FLVCR2: variants seen among roughly 807,000 people sequenced by gnomAD.
FLVCR2 encodes FLVCR choline and putative heme transporter 2.
Under a neutral mutation model 48.9 loss-of-function variants are expected in FLVCR2, and 38 were observed. The ratio of observed to expected loss-of-function variants is 0.78; its 90% CI spans 0.60 to 1.02. FLVCR2 has a LOEUF of 1.02. Ranked by LOEUF, FLVCR2 falls within the 50% of genes least tolerant of loss-of-function variation. The pLI is 0.00. For missense variants in FLVCR2, 664 were observed against 663.3 expected (o/e 1.00, Z -0.01); for synonymous variants, 255 against 257.0 (o/e 0.99, Z 0.07).
intron 1 of FLVCR2, among the ~76,000 whole-genome samples, chr14:75,602,165 C>A (rs1482301248): frequency 5.3e-5 from 8 of 152,238 alleles, no homozygotes; most frequent in Admixed American, 5.2e-4. Context: ...TGCTCACCAA[C>A]CAGAAGCTCT....
At chr14:75,611,604 G>A (rs1340052002) in intron 1 of FLVCR2, among the ~76,000 whole-genome samples, 1 of 151,766 alleles carries the variant, frequency 6.6e-6, no homozygotes, top group Non-Finnish European at 1.5e-5. Flanking sequence ...AGGTGTGTTG[G>A]GCGCATGTCT....
In FLVCR2 at chr14:75,613,856, A is replaced by G. The variant is rs568295482; in HGVS notation, c.670-8223A>G. ...ATGAGCCACCACACCCAGCCTCAAC[A>G]TGAGCTTTAGAGGGGACAACATCCA... On this transcript the variant is annotated intron_variant, in intron 1 of 9. Transcript: ENST00000238667. 3.9e-5 allele frequency among the ~76,000 whole-genome samples: 6 copies of G among 152,270 alleles called. No homozygotes were observed. The East Asian group carries it at 1.2e-3, about 29-fold the overall frequency.
At chr14:75,630,751 C>T (rs553038572) in intron 3 of FLVCR2, among the ~76,000 whole-genome samples, 3 of 152,318 alleles carry the variant, frequency 2.0e-5, no homozygotes, top group East Asian at 3.9e-4. Flanking sequence ...AGAATGATGA[C>T]AGAGTCCTTT....
At chr14:75,628,032 G>T (rs986926421) in intron 3 of FLVCR2, among the ~76,000 whole-genome samples, 2 of 152,198 alleles carry the variant, frequency 1.3e-5, no homozygotes, top group African/African-American at 4.8e-5. Flanking sequence ...CCTATAGGGC[G>T]AGAACTATAG....
At chr14:75,637,075 G>T (rs530127199) in intron 5 of FLVCR2, among the ~76,000 whole-genome samples, 2 of 152,180 alleles carry the variant, frequency 1.3e-5, no homozygotes, top group Non-Finnish European at 2.9e-5. Context: ...CTGACCTTGA[G>T]CTTTTCCAAA....
intron 3 of FLVCR2, among the ~76,000 whole-genome samples, chr14:75,626,439 G>C (rs1889902899): frequency 6.6e-6 from 1 of 151,830 alleles, no homozygotes; most frequent in South Asian, 2.1e-4. Flanking sequence ...GCTTCATCCT[G>C]GTAGAGGGGC....
At chr14:75,609,092 C>T (rs1394696162) in intron 1 of FLVCR2, among the ~76,000 whole-genome samples, 1 of 152,090 alleles carries the variant, frequency 6.6e-6, no homozygotes, top group African/African-American at 2.4e-5. Flanking sequence ...AGACAATGCA[C>T]CATAGCCTTT....
At position 75,633,674 on chromosome 14, in the gene FLVCR2, G is replaced by T. The variant is rs757778790; in HGVS notation, c.998G>T (p.Arg333Leu). The T allele has an allele frequency of 2.2e-5, 35 of 1,613,666 alleles. No homozygotes were observed. The highest frequency in any genetic ancestry group is 5.3e-5 in the African/African-American group (4 of 74,900). Reference protein sequence around the residue: ...AFYALSTLLNRMVIWHYPGEE... With the variant: ...AFYALSTLLNLMVIWHYPGEE... ...TATGCCTTGTCCACTCTTCTGAATCGCATGGTGATCTGGCACTACCCGGTA... is the reference window on the plus strand; with the variant it reads ...TATGCCTTGTCCACTCTTCTGAATCTCATGGTGATCTGGCACTACCCGGTA... Residue 333 changes from arginine to leucine, a missense_variant, in exon 4 of 10, where the codon CGC becomes CTC. Transcript: ENST00000238667.
intron 9 of FLVCR2, among the ~76,000 whole-genome samples, chr14:75,645,886 C>T (rs1042871306): frequency 1.4e-5 from 2 of 148,004 alleles, no homozygotes; most frequent in Non-Finnish European, 3.0e-5. Context: ...CCATTGCACT[C>T]CAGCCTAGGC....
At chr14:75,587,526 T>TTA (rs1289916938) in intron 1 of FLVCR2, among the ~76,000 whole-genome samples, 1 of 152,152 alleles carries the variant, frequency 6.6e-6, no homozygotes, top group Non-Finnish European at 1.5e-5. Context: ...GGTGGAGTCT[T>TTA]TAGCAGGAAG....
chr14:75,631,372 G>C (rs2140045769), intron 3 of FLVCR2, among the ~76,000 whole-genome samples: 1 of 152,286 alleles, frequency 6.6e-6, no homozygotes, highest in Admixed American at 6.5e-5. Flanking sequence ...GCTGCAGTAG[G>C]TCTGGGGTGG....
chr14:75,639,564 A>T, intron 6 of FLVCR2, 102 bp downstream of exon 6: 1 of 826,006 alleles, frequency 1.2e-6, no homozygotes, highest in South Asian at 1.4e-5. Context: ...CTGCCTTCTA[A>T]CTGACCTCAG....
At chr14:75,599,120 T>C (rs915174574) in intron 1 of FLVCR2, among the ~76,000 whole-genome samples, 1 of 152,182 alleles carries the variant, frequency 6.6e-6, no homozygotes, top group East Asian at 1.9e-4. Flanking sequence ...AAGTCAAAGA[T>C]CTACAGCAAC....
chr14:75,585,997 T>A (rs985009537), intron 1 of FLVCR2, among the ~76,000 whole-genome samples: 3 of 152,198 alleles, frequency 2.0e-5, no homozygotes, highest in Non-Finnish European at 2.9e-5. Flanking sequence ...GGTGGATCTC[T>A]TCACAGAGTG....
intron 1 of FLVCR2, among the ~76,000 whole-genome samples, chr14:75,608,248 C>A (rs1889348299): frequency 6.6e-6 from 1 of 152,194 alleles, no homozygotes; most frequent in African/African-American, 2.4e-5. Context: ...CCGTAGGAGA[C>A]TCTCTCAGAG....
In FLVCR2 at chr14:75,579,232, T is replaced by C. The variant is rs767100730; in HGVS notation, c.260T>C (p.Val87Ala). 1 of 1,614,192 alleles carries C rather than the reference T, an allele frequency of 6.2e-7. No homozygotes were observed. The highest frequency in any genetic ancestry group is 8.5e-7 in the Non-Finnish European group (1 of 1,180,034). The change falls in exon 1 of 10, where the codon GTG becomes GCG. Residue 87 changes from valine (V) to alanine (A), a missense_variant. Transcript: ENST00000238667. Reference sequence around the variant, plus strand: ...AAGGTGAGCAGGCGCCGTTGGGCCGTGGTCCTGGTGTTTAGCTGCTACTCC... The same window carrying C: ...AAGGTGAGCAGGCGCCGTTGGGCCGCGGTCCTGGTGTTTAGCTGCTACTCC... ...VIKVSRRRWA[V>A]VLVFSCYSMC... is the part of the protein sequence containing the mutation.
In FLVCR2 at chr14:75,623,474, G is replaced by A. The variant is rs186277498; in HGVS notation, c.812-1138G>A. On this transcript the variant is annotated intron_variant, in intron 2 of 9. Transcript: ENST00000238667. ...TTAACCAGCTTTCTTCCTAATACTT[G>A]AAAGTTCCACCTCACATGTTAAAGG... 7.5e-4 allele frequency among the ~76,000 whole-genome samples: 114 copies of A among 152,094 alleles called. 2 individuals are homozygous for A. Among genetic ancestry groups the A allele is most frequent in the African/African-American group, 2.6e-3 (106 of 41,486 alleles).
At chr14:75,634,138 G>A (rs988925018) in intron 4 of FLVCR2, among the ~76,000 whole-genome samples, 1 of 152,090 alleles carries the variant, frequency 6.6e-6, no homozygotes, top group African/African-American at 2.4e-5. Context: ...ACCCACGAGG[G>A]CTGGGCTGGA....
rs754052994 is a variant in FLVCR2, at chr14:75,579,155, C to G, written c.183C>G (p.Pro61=). ...CCCACCCCAGTGCCTTAGCCCAACC[C>G]AGTGGCTTGGCTCACCCCAGTAGCT... ...SSAHPSALAQ[P]SGLAHPSSSG... is the part of the protein sequence containing the mutation. The change falls in exon 1 of 10, where the codon CCC becomes CCG. Residue 61 remains proline (P), a synonymous_variant. Transcript: ENST00000238667. The G allele has an allele frequency of 2.5e-6, 4 of 1,613,954 alleles. No homozygotes were observed. In the African/African-American group the frequency reaches 5.3e-5, roughly 22 times the overall value.
Sources: allele counts gnomAD v4.1 joint callset (sites outside exome capture counted in the v4.1 genomes callset), GRCh38; gene constraint gnomAD v4.1.1; transcripts MANE v1.5; gene names NCBI Gene and HGNC (gene_info 2026-07-23, HGNC 2026-07-21).